ASTN2: variants seen among roughly 807,000 people sequenced by gnomAD.
The protein encoded by ASTN2 is astrotactin 2.
A neutral mutation model predicts 139.8 loss-of-function variants in ASTN2; 54 were observed. The observed-to-expected ratio is 0.39, with a 90% CI of 0.31 to 0.48. The LOEUF (loss-of-function observed/expected upper bound fraction) is 0.48, where lower values mean the gene tolerates loss of function less well. ASTN2 is among the 20% of genes least tolerant of loss of function. ASTN2 has a pLI of 0.95. For missense variants in ASTN2, 1,565 were observed against 1,725.1 expected, an observed-to-expected ratio of 0.91 and a Z score of 1.64; for synonymous variants, 756 against 719.5, an observed-to-expected ratio of 1.05 and a Z score of -0.81.
At chr9:116,750,588 G>A (rs1829372610) in intron 13 of ASTN2, among the ~76,000 whole-genome samples, 2 of 151,700 alleles carry the variant, frequency 1.3e-5, no homozygotes, top group East Asian at 1.9e-4. Flanking sequence ...TCTTTTATTA[G>A]TCATTAGCAA....
At chr9:117,122,856 C>T in intron 4 of ASTN2, among the ~76,000 whole-genome samples, 1 of 152,114 alleles carries the variant, frequency 6.6e-6, no homozygotes, top group African/African-American at 2.4e-5. Flanking sequence ...GAAACATGTC[C>T]CAATTCCCCG....
intron 10 of ASTN2, among the ~76,000 whole-genome samples, chr9:116,893,609 G>C (rs149831692): frequency 6.6e-6 from 1 of 152,144 alleles, no homozygotes; most frequent in African/African-American, 2.4e-5. Flanking sequence ...GATGTGTCAG[G>C]GTTCCTGGTA....
At chr9:116,998,821 A>G (rs1174618844) in intron 7 of ASTN2, among the ~76,000 whole-genome samples, 3 of 152,196 alleles carry the variant, frequency 2.0e-5, no homozygotes, top group African/African-American at 4.8e-5. Context: ...GCTCTACCAC[A>G]TAGAAAGCCC....
intron 10 of ASTN2, among the ~76,000 whole-genome samples, chr9:116,884,296 T>C (rs763915302): frequency 6.6e-6 from 1 of 152,084 alleles, no homozygotes; most frequent in Non-Finnish European, 1.5e-5. Context: ...TTCAAGTCCT[T>C]CTCTGCTGCT....
chr9:116,804,423 G>A (rs1463101470), intron 13 of ASTN2, among the ~76,000 whole-genome samples: 1 of 152,096 alleles, frequency 6.6e-6, no homozygotes, highest in African/African-American at 2.4e-5. Context: ...TCCTAGAAGG[G>A]AGTCTTTGGA....
chr9:116,500,243 A>T (rs1309030318), intron 19 of ASTN2, among the ~76,000 whole-genome samples: 1 of 152,162 alleles, frequency 6.6e-6, no homozygotes, highest in African/African-American at 2.4e-5. Flanking sequence ...TTAGTTTACA[A>T]TGTATGCCTC....
chr9:117,326,345 T>C (rs962636800), intron 1 of ASTN2, among the ~76,000 whole-genome samples: 2 of 152,100 alleles, frequency 1.3e-5, no homozygotes, highest in Non-Finnish European at 2.9e-5. Context: ...ACAGAGCATG[T>C]TAATGGCAGA....
intron 16 of ASTN2, among the ~76,000 whole-genome samples, chr9:116,676,693 T>C (rs1859522159): frequency 2.0e-5 from 3 of 152,224 alleles, no homozygotes; most frequent in Non-Finnish European, 4.4e-5. Flanking sequence ...AGGCTCCTTC[T>C]AGGAAAAGCA....
At chr9:116,712,351 T>G (rs1828186771) in intron 16 of ASTN2, among the ~76,000 whole-genome samples, 1 of 152,182 alleles carries the variant, frequency 6.6e-6, no homozygotes, top group African/African-American at 2.4e-5. Flanking sequence ...ATTTACATAT[T>G]TCATGGTGAT....
intron 6 of ASTN2, among the ~76,000 whole-genome samples, chr9:117,023,634 G>C (rs1319949816): frequency 6.6e-6 from 1 of 152,014 alleles, no homozygotes; most frequent in Non-Finnish European, 1.5e-5. Flanking sequence ...GTCTTTTCCA[G>C]CACAGCATCT....
chr9:117,320,889 G>C (rs1387160048), intron 1 of ASTN2, among the ~76,000 whole-genome samples: 1 of 152,212 alleles, frequency 6.6e-6, no homozygotes, highest in African/African-American at 2.4e-5. Flanking sequence ...TGATGGCACA[G>C]ATCAAAGGAA....
intron 10 of ASTN2, among the ~76,000 whole-genome samples, chr9:116,908,693 A>C (rs1015885135): frequency 4.6e-5 from 7 of 152,150 alleles, no homozygotes; most frequent in African/African-American, 1.7e-4. Flanking sequence ...CACATTTGAC[A>C]CTTCCTTTTC....
intron 19 of ASTN2, among the ~76,000 whole-genome samples, chr9:116,550,509 C>A (rs114060352): frequency 0.021 from 3,209 of 152,220 alleles, 102 homozygotes; most frequent in African/African-American, 0.073. Flanking sequence ...GAAAATGTAG[C>A]TTACATTACT....
chr9:117,406,814 T>C (rs1202973655), intron 1 of ASTN2, among the ~76,000 whole-genome samples: 1 of 151,636 alleles, frequency 6.6e-6, no homozygotes, highest in Non-Finnish European at 1.5e-5. Flanking sequence ...TCTCACATAC[T>C]ACATAACTTA....
intron 2 of ASTN2, among the ~76,000 whole-genome samples, chr9:117,226,015 T>C (rs1435876885): frequency 6.6e-6 from 1 of 152,154 alleles, no homozygotes; most frequent in African/African-American, 2.4e-5. Flanking sequence ...TCACAATGCA[T>C]AGTTCAGCAA....
chr9:116,792,843 G>C (rs1321017191), intron 13 of ASTN2, among the ~76,000 whole-genome samples: 1 of 152,098 alleles, frequency 6.6e-6, no homozygotes. Context: ...TAGGCAGCTC[G>C]TGTTTCCATC....
chr9:116,456,629 G>T (rs1296719565), intron 20 of ASTN2, among the ~76,000 whole-genome samples: 1 of 152,128 alleles, frequency 6.6e-6, no homozygotes, highest in East Asian at 1.9e-4. Flanking sequence ...ATGGCAGCAG[G>T]CAAAGAGAGA....
intron 20 of ASTN2, among the ~76,000 whole-genome samples, chr9:116,469,294 C>T (rs1238781459): frequency 2.0e-5 from 3 of 151,766 alleles, no homozygotes; most frequent in African/African-American, 7.3e-5. Flanking sequence ...AACTTCCTTG[C>T]TCTCTCAAGT....
At chr9:117,101,982 G>C (rs547171897) in intron 4 of ASTN2, among the ~76,000 whole-genome samples, 1 of 152,286 alleles carries the variant, frequency 6.6e-6, no homozygotes, top group South Asian at 2.1e-4. Context: ...GGTTCCTTAA[G>C]AAGTTAAACA....
Sources: allele counts gnomAD v4.1 joint callset (sites outside exome capture counted in the v4.1 genomes callset), GRCh38; gene constraint gnomAD v4.1.1; transcripts MANE v1.5; gene names NCBI Gene and HGNC (gene_info 2026-07-23, HGNC 2026-07-21).